GRAMD2B: variants seen among roughly 807,000 people sequenced by gnomAD.
The protein encoded by GRAMD2B is GRAM domain containing 2B.
GRAMD2B carries 41 observed loss-of-function variants against 59.2 expected under a neutral mutation model. That is an observed-to-expected ratio of 0.69 (90% CI 0.54 to 0.90). The LOEUF (loss-of-function observed/expected upper bound fraction) is 0.90. Ranked by LOEUF, GRAMD2B falls within the 40% of genes least tolerant of loss-of-function variation. The probability of loss-of-function intolerance (pLI) is 0.00; values close to 1 mark genes in which losing one functional copy is unlikely to be tolerated. For missense variants in GRAMD2B, 424 were observed against 500.5 expected, an observed-to-expected ratio of 0.85 and a Z score of 1.46; for synonymous variants, 161 against 182.7, an observed-to-expected ratio of 0.88 and a Z score of 0.96.
At chr5:126,485,259 G>A (rs1221043333) in intron 10 of GRAMD2B, among the ~76,000 whole-genome samples, 1 of 152,112 alleles carries the variant, frequency 6.6e-6, no homozygotes, top group African/African-American at 2.4e-5. Flanking sequence ...GCTGAGGCAG[G>A]AGGATTGCTT....
chr5:126,396,178 A>G (rs1402218064), intron 1 of GRAMD2B, among the ~76,000 whole-genome samples: 1 of 152,062 alleles, frequency 6.6e-6, no homozygotes, highest in African/African-American at 2.4e-5. Flanking sequence ...CTTTTTTTCA[A>G]TTTAACTTTT....
chr5:126,413,678 T>TATC (rs1759023767), intron 1 of GRAMD2B, among the ~76,000 whole-genome samples: 2 of 152,110 alleles, frequency 1.3e-5, no homozygotes, highest in African/African-American at 4.8e-5. Context: ...CTTGATGATC[T>TATC]AAGGCTATCA....
intron 1 of GRAMD2B, chr5:126,458,766 T>A (rs1766811717): frequency 6.6e-6 from 1 of 152,170 alleles, no homozygotes; most frequent in Admixed American, 6.5e-5. Context: ...GAGGAGGAAG[T>A]GTCAAGATTT....
In GRAMD2B at chr5:126,458,563, A is replaced by G. The variant is rs569103732; in HGVS notation, c.84-6863A>G. On this transcript the variant is annotated intron_variant, in intron 1 of 13. Coordinates refer to ENST00000285689, the MANE Select transcript of GRAMD2B (RefSeq NM_023927.4). ...CACTTTTCCTGGGACTACCATATTC[A>G]AAATGGAAGGATGAGGATTTACTCT... 8.5e-5 allele frequency among the ~76,000 whole-genome samples: 13 copies of G among 152,298 alleles called. No individual in the cohort carries two copies. The East Asian group carries it at 1.9e-3, about 23-fold the overall frequency.
intron 1 of GRAMD2B, among the ~76,000 whole-genome samples, chr5:126,429,521 C>T (rs942297116): frequency 3.3e-5 from 5 of 152,012 alleles, no homozygotes; most frequent in Non-Finnish European, 7.4e-5. Flanking sequence ...GCATATGTAC[C>T]CCTGAACTTC....
In GRAMD2B at chr5:126,488,802, G is replaced by A; in HGVS notation, c.1167G>A (p.Gln389=). Reference sequence around the variant, plus strand: ...ATTTTTCTCTTTTTTCTTACAGACAGGCAGCACCATCTGGCCTGAGGTCAC... The same window carrying A: ...ATTTTTCTCTTTTTTCTTACAGACAAGCAGCACCATCTGGCCTGAGGTCAC... The part of the protein sequence containing the change: ...TSIVDTHNTE[Q]AAPSGLRSQV... The change falls in exon 13 of 14, where the codon CAG becomes CAA. Residue 389 remains glutamine, a synonymous_variant. Coordinates refer to ENST00000285689, the MANE Select transcript of GRAMD2B (RefSeq NM_023927.4). The A allele has an allele frequency of 1.2e-6, 2 of 1,611,540 alleles. No homozygotes were observed. The highest frequency in any genetic ancestry group is 1.7e-6 in the Non-Finnish European group (2 of 1,178,108).
At chr5:126,483,113 TCTTA>T (rs1246361008) in intron 8 of GRAMD2B, among the ~76,000 whole-genome samples, 4 of 152,344 alleles carry the variant, frequency 2.6e-5, no homozygotes, top group Middle Eastern at 3.4e-3. Context: ...TATTTTTTTC[TCTTA>T]TATATGTCTG....
intron 1 of GRAMD2B, among the ~76,000 whole-genome samples, chr5:126,365,602 T>C (rs1159778924): frequency 6.6e-6 from 1 of 152,192 alleles, no homozygotes; most frequent in Non-Finnish European, 1.5e-5. Flanking sequence ...CATTACAGGC[T>C]CAATTCCCAA....
At chr5:126,454,982 A>G (rs1766021962) in intron 1 of GRAMD2B, among the ~76,000 whole-genome samples, 3 of 152,110 alleles carry the variant, frequency 2.0e-5, no homozygotes, top group Non-Finnish European at 1.5e-5. Context: ...ACCAAACTAC[A>G]ATTTCTCTTG....
chr5:126,475,955 A>G (rs1770506362), intron 5 of GRAMD2B, among the ~76,000 whole-genome samples: 1 of 152,182 alleles, frequency 6.6e-6, no homozygotes, highest in Non-Finnish European at 1.5e-5. Context: ...CTTAAAATAC[A>G]AAATCAGCCA....
upstream of GRAMD2B, among the ~76,000 whole-genome samples, chr5:126,419,445 C>T (rs972540993): frequency 1.3e-5 from 2 of 152,114 alleles, no homozygotes; most frequent in African/African-American, 4.8e-5. Flanking sequence ...TTAGAAACCA[C>T]CACTATGATC....
chr5:126,370,955 G>C (rs1277659511), upstream of GRAMD2B, among the ~76,000 whole-genome samples: 1 of 152,154 alleles, frequency 6.6e-6, no homozygotes, highest in African/African-American at 2.4e-5. Context: ...CCAAACATTG[G>C]CTGCAACACA....
chr5:126,463,977 G>A (rs1014849926), intron 1 of GRAMD2B, among the ~76,000 whole-genome samples: 4 of 151,646 alleles, frequency 2.6e-5, no homozygotes, highest in Non-Finnish European at 4.4e-5. Flanking sequence ...GCAGTGAGCC[G>A]AGATCGTGCC....
At chr5:126,409,956 C>CT (rs1580835875) in intron 1 of GRAMD2B, among the ~76,000 whole-genome samples, 1 of 151,076 alleles carries the variant, frequency 6.6e-6, no homozygotes, top group Non-Finnish European at 1.5e-5. Context: ...ATCCTTTCCC[C>CT]ATTGCTTGTT....
chr5:126,424,950 G>A (rs966633114), intron 1 of GRAMD2B, among the ~76,000 whole-genome samples: 3 of 152,192 alleles, frequency 2.0e-5, no homozygotes, highest in African/African-American at 7.2e-5. Context: ...CATGAACTTA[G>A]AACCACTATG....
In GRAMD2B at chr5:126,396,448, G is replaced by C. The variant is rs138878646; in HGVS notation, c.125+24881G>C. Among the ~76,000 whole-genome samples, 422 of 152,194 alleles carry C rather than the reference G, an allele frequency of 2.8e-3. 2 individuals carry two copies. Among genetic ancestry groups the C allele is most frequent in the African/African-American group, 9.6e-3 (397 of 41,502 alleles). ...GCAGTATTTGGTTTTCTGTTCCTGT[G>C]TTAGTTTGCTAAGGATAATGGCCTC... is the stretch of plus-strand genomic sequence containing the variant. On this transcript the variant is annotated intron_variant, in intron 1 of 8. Coordinates refer to the GRAMD2B transcript ENST00000506445.
rs144634687 is a variant in GRAMD2B, at chr5:126,378,643, T to C, written c.125+7076T>C. 2.8e-3 allele frequency among the ~76,000 whole-genome samples: 430 copies of C among 152,280 alleles called. 1 individual carries two copies. The highest frequency in any genetic ancestry group is 1.0e-2 in the African/African-American group (415 of 41,562). Reference sequence around the variant, plus strand: ...ATACACACTGTATACTTTGCAGCACTGAGTGAAGGAATGGATGTGGTTTTC... The same window carrying C: ...ATACACACTGTATACTTTGCAGCACCGAGTGAAGGAATGGATGTGGTTTTC... On this transcript the variant is annotated intron_variant, in intron 1 of 8. Transcript: ENST00000506445.
intron 1 of GRAMD2B, among the ~76,000 whole-genome samples, chr5:126,381,553 T>A (rs1374809097): frequency 6.6e-6 from 1 of 152,180 alleles, no homozygotes; most frequent in Admixed American, 6.5e-5. Context: ...TCTTTTTCCA[T>A]CCCTTTACCT....
At chr5:126,443,641 T>C (rs1011242603) in intron 1 of GRAMD2B, among the ~76,000 whole-genome samples, 4 of 152,182 alleles carry the variant, frequency 2.6e-5, no homozygotes, top group African/African-American at 9.7e-5. Context: ...GGACAATAGT[T>C]TTCTGTCTTT....
Sources: allele counts gnomAD v4.1 joint callset (sites outside exome capture counted in the v4.1 genomes callset), GRCh38; gene constraint gnomAD v4.1.1; transcripts MANE v1.5; gene names NCBI Gene and HGNC (gene_info 2026-07-23, HGNC 2026-07-21).